The following ARPIN variants were observed in gnomAD, a reference collection of about 807,000 sequenced individuals.
ARPIN encodes actin related protein 2/3 complex inhibitor, also known as UPF0552 protein C15orf38.
A neutral mutation model predicts 25.9 loss-of-function variants in ARPIN; 23 were observed. That is an observed-to-expected ratio of 0.89 (90% CI 0.64 to 1.26). The LOEUF is 1.26. Ranked by LOEUF, ARPIN falls within the 50% of genes most tolerant of loss-of-function variation. ARPIN has a pLI of 0.00. For synonymous variants in ARPIN, 126 were observed against 131.4 expected (o/e 0.96, Z 0.28); for missense variants, 333 against 312.2 (o/e 1.07, Z -0.50).
In ARPIN at chr15:89,901,637, T is replaced by C. The variant is rs1897022600; in HGVS notation, c.*158A>G. On this transcript the variant is annotated 3_prime_UTR_variant, in exon 6 of 6. Transcript: ENST00000357484. ...AACACAGTGGTCATGGGTTTGGTTTTAGCAGAGCTTGTTCAAAGAGTATTC... is the reference window on the plus strand; with the variant it reads ...AACACAGTGGTCATGGGTTTGGTTTCAGCAGAGCTTGTTCAAAGAGTATTC... 3 of 886,786 alleles carry C rather than the reference T, an allele frequency of 3.4e-6. No individual in the cohort carries two copies. In the South Asian group the frequency reaches 4.9e-5, roughly 14 times the overall value. 54.9% of individuals were successfully genotyped at this position (886,786 alleles called of 1,614,324 possible).
chr15:89,912,763 C>A lies in ARPIN; in HGVS notation c.73G>T (p.Asp25Tyr). Reference protein sequence around the residue: ...VQSVRLPGAWDPAAHQGGNGV... With the variant: ...VQSVRLPGAWYPAAHQGGNGV... ...GCCTACCCCTGGTGGGCGGCGGGGT[C>A]CCAGGCCCCTGGCAGCCGGACGCTC... The change falls in exon 1 of 6, where the codon GAC (aspartate) becomes TAC (tyrosine). Residue 25 changes from aspartate to tyrosine, a missense_variant. Physicochemically the swap from Asp to Tyr is radical, Grantham distance 160. Coordinates refer to ENST00000357484, the MANE Select transcript of ARPIN (RefSeq NM_182616.4). 7.5e-7 allele frequency: 1 copy of A among 1,326,592 alleles called. No homozygotes were observed. The highest frequency in any genetic ancestry group is 9.8e-7 in the Non-Finnish European group (1 of 1,022,292). The allele number at this position is 1,326,592 out of a possible 1,614,324, so 82.2% of individuals were successfully genotyped here.
At chr15:89,908,508 C>T in intron 2 of ARPIN, 96 bp from the exon 3 acceptor site, 1 of 1,552,384 alleles carries the variant, frequency 6.4e-7, no homozygotes, top group South Asian at 1.2e-5. Context: ...CACATCTACC[C>T]TAGAAGCCCA....
chr15:89,899,018 G>A lies in ARPIN; in HGVS notation c.*2777C>T, dbSNP rs964354998. Reference sequence around the variant, plus strand: ...CAGCTTCCTATTTTCTCCCTTCCTAGTCCCTAGTCCTAGGGAATAGGATTT... The same window carrying A: ...CAGCTTCCTATTTTCTCCCTTCCTAATCCCTAGTCCTAGGGAATAGGATTT... On this transcript the variant is annotated 3_prime_UTR_variant, in exon 6 of 6. Coordinates refer to ENST00000357484, the MANE Select transcript of ARPIN (RefSeq NM_182616.4). 1 of 151,668 alleles carries A rather than the reference G, an allele frequency of 6.6e-6. No homozygotes were observed. The highest frequency in any genetic ancestry group is 1.5e-5 in the Non-Finnish European group (1 of 68,014). The allele number at this position is 151,668 out of a possible 1,614,324, so 9.4% of individuals were successfully genotyped here.
At chr15:89,909,933 GGA>G in intron 2 of ARPIN, among the ~76,000 whole-genome samples, 1 of 152,272 alleles carries the variant, frequency 6.6e-6, no homozygotes, top group South Asian at 2.1e-4. Context: ...AGAGGGGCTA[GGA>G]GAAGGCCCTG....
Position 89,909,086 on chromosome 15 carries a change from G to A in ARPIN, c.169-674C>T, listed in dbSNP as rs576555416. On this transcript the variant is annotated intron_variant, in intron 2 of 5. Coordinates refer to ENST00000357484, the MANE Select transcript of ARPIN (RefSeq NM_182616.4). ...GCCAAGGTGCAATGGAAAGGGCACT[G>A]AAAAGGAGCCCTGGGTGAGGGCAGC... Among the ~76,000 whole-genome samples the A allele has an allele frequency of 6.4e-4, 97 of 152,310 alleles. 2 individuals carry two copies. In the East Asian group the frequency reaches 0.017, roughly 27 times the overall value.
chr15:89,900,843 C>A lies in ARPIN; in HGVS notation c.*952G>T, dbSNP rs1596231710. 6.6e-6 allele frequency: 1 copy of A among 152,150 alleles called. No individual in the cohort carries two copies. The highest frequency in any genetic ancestry group is 1.9e-4 in the East Asian group (1 of 5,194). 9.4% of individuals were successfully genotyped at this position (152,150 alleles called of 1,614,324 possible). A position where few individuals can be genotyped will look rare whatever the true frequency, so the allele number is the denominator to read the frequency against. On this transcript the variant is annotated 3_prime_UTR_variant, in exon 6 of 6. Coordinates refer to ENST00000357484, the MANE Select transcript of ARPIN (RefSeq NM_182616.4). Reference sequence around the variant, plus strand: ...TTGCTCAGCTGAAAGGCCGTTTACACCTGACAATAACCCAGTAAGGGTGGA... The same window carrying A: ...TTGCTCAGCTGAAAGGCCGTTTACAACTGACAATAACCCAGTAAGGGTGGA...
In ARPIN at chr15:89,904,044, C is replaced by A. The variant is rs553392446; in HGVS notation, c.302-61G>T. The A allele has an allele frequency of 2.3e-5, 36 of 1,536,824 alleles. 1 individual carries two copies. The South Asian group carries it at 3.8e-4, about 16-fold the overall frequency. ...GTGGCAGCAAGAACTTCCGGAGGGC[C>A]TCTCAGGAGCCAGGTGAGGGCTGAG... On this transcript the variant is annotated intron_variant, in intron 3 of 5. Coordinates refer to ENST00000357484, the MANE Select transcript of ARPIN (RefSeq NM_182616.4).
At chr15:89,909,844 CAGTG>C (rs1897192564) in intron 2 of ARPIN, among the ~76,000 whole-genome samples, 1 of 152,144 alleles carries the variant, frequency 6.6e-6, no homozygotes, top group African/African-American at 2.4e-5. Context: ...GGGGAGGAGA[CAGTG>C]AGGGTTCCCA....
At chr15:89,910,903 G>A in intron 1 of ARPIN, 84 bp from the exon 2 acceptor site, 2 of 1,208,144 alleles carry the variant, frequency 1.7e-6, no homozygotes, top group South Asian at 2.8e-5. Flanking sequence ...ACCCAGCCCT[G>A]AGAAGGCTGG....
Position 89,895,380 on chromosome 15 carries a change from G to A in ARPIN, c.*6415C>T, listed in dbSNP as rs1896914525. On this transcript the variant is annotated 3_prime_UTR_variant, in exon 6 of 6. Transcript: ENST00000357484. Reference sequence around the variant, plus strand: ...CCAAAATATGAATCATGTATCTGATGGAATGGCAGAGTCAGGGTGTTTGAT... The same window carrying A: ...CCAAAATATGAATCATGTATCTGATAGAATGGCAGAGTCAGGGTGTTTGAT... 1 of 152,306 alleles carries A rather than the reference G, an allele frequency of 6.6e-6. No homozygotes were observed. The highest frequency in any genetic ancestry group is 2.1e-4 in the South Asian group (1 of 4,820). The allele number at this position is 152,306 out of a possible 1,614,324, so 9.4% of individuals were successfully genotyped here. A position where few individuals can be genotyped will look rare whatever the true frequency, so the allele number is the denominator to read the frequency against.
At chr15:89,910,160 G>A (rs945533529) in intron 2 of ARPIN, among the ~76,000 whole-genome samples, 3 of 152,176 alleles carry the variant, frequency 2.0e-5, no homozygotes, top group African/African-American at 7.2e-5. Context: ...GTAGCACCAG[G>A]CCTCTGGCCC....
In ARPIN at chr15:89,896,289, C is replaced by T. The variant is rs1348639235; in HGVS notation, c.*5506G>A. On this transcript the variant is annotated 3_prime_UTR_variant, in exon 6 of 6. Coordinates refer to ENST00000357484, the MANE Select transcript of ARPIN (RefSeq NM_182616.4). ...AAGAATATCAAAGAAAATTCTGAAACAGAATTATGAAGAAGAACTAGCTCT... is the reference window on the plus strand; with the variant it reads ...AAGAATATCAAAGAAAATTCTGAAATAGAATTATGAAGAAGAACTAGCTCT... 1 of 152,172 alleles carries T rather than the reference C, an allele frequency of 6.6e-6. No individual in the cohort carries two copies. The highest frequency in any genetic ancestry group is 1.5e-5 in the Non-Finnish European group (1 of 68,026). The allele number at this position is 152,172 out of a possible 1,614,324, so 9.4% of individuals were successfully genotyped here.
In ARPIN at chr15:89,900,941, C is replaced by G. The variant is rs977584637; in HGVS notation, c.*854G>C. On this transcript the variant is annotated 3_prime_UTR_variant, in exon 6 of 6. Coordinates refer to ENST00000357484, the MANE Select transcript of ARPIN (RefSeq NM_182616.4). Reference sequence around the variant, plus strand: ...ACAAAACAACAACAAAAAAGGTATTCTCAAAACTGTAGCCTGGCAGAGTGA... The same window carrying G: ...ACAAAACAACAACAAAAAAGGTATTGTCAAAACTGTAGCCTGGCAGAGTGA... 1 of 152,204 alleles carries G rather than the reference C, an allele frequency of 6.6e-6. No individual in the cohort carries two copies. Among genetic ancestry groups the G allele is most frequent in the Non-Finnish European group, 1.5e-5 (1 of 68,052 alleles). The allele number at this position is 152,204 out of a possible 1,614,324, so 9.4% of individuals were successfully genotyped here.
At position 89,904,108 on chromosome 15, in the gene ARPIN, G is replaced by A. The variant is rs1051674322; in HGVS notation, c.302-125C>T. Reference sequence around the variant, plus strand: ...AGTCACCCGGAGGCTGGGACTCAGTGCCCATTCTGCGAGTCCTCATCAAGG... The same window carrying A: ...AGTCACCCGGAGGCTGGGACTCAGTACCCATTCTGCGAGTCCTCATCAAGG... On this transcript the variant is annotated intron_variant, in intron 3 of 5. Coordinates refer to ENST00000357484, the MANE Select transcript of ARPIN (RefSeq NM_182616.4). 5.9e-6 allele frequency: 7 copies of A among 1,195,744 alleles called. No homozygotes were observed. In the African/African-American group the frequency reaches 1.1e-4, roughly 18 times the overall value. The allele number at this position is 1,195,744 out of a possible 1,614,324, so 74.1% of individuals were successfully genotyped here.
In ARPIN at chr15:89,905,387, C is replaced by T. The variant is rs77586379; in HGVS notation, c.302-1404G>A. Among the ~76,000 whole-genome samples, 1,417 of 152,244 alleles carry T rather than the reference C, an allele frequency of 9.3e-3. 2 individuals carry two copies. The highest frequency in any genetic ancestry group is 0.017 in the Non-Finnish European group (1,140 of 68,014). ...TTCTGTCTCAAAGGATAGGAGGCCT[C>T]TCCTCCTGCCTCAAGCCAGCTCCTC... On this transcript the variant is annotated intron_variant, in intron 3 of 5. Coordinates refer to ENST00000357484, the MANE Select transcript of ARPIN (RefSeq NM_182616.4).
At chr15:89,911,604 T>C (rs546950916) in intron 1 of ARPIN, among the ~76,000 whole-genome samples, 1 of 152,288 alleles carries the variant, frequency 6.6e-6, no homozygotes, top group South Asian at 2.1e-4. Flanking sequence ...ACAATTATTT[T>C]TCTAAATATT....
intron 1 of ARPIN, among the ~76,000 whole-genome samples, chr15:89,911,629 CTG>C (rs752879919): frequency 3.3e-5 from 5 of 152,152 alleles, no homozygotes; most frequent in East Asian, 3.8e-4. Context: ...TGACAAAAGA[CTG>C]TATATATTCA....
intron 1 of ARPIN, chr15:89,912,530 G>A: frequency 2.3e-6 from 3 of 1,303,610 alleles, no homozygotes; most frequent in Non-Finnish European, 2.9e-6. Context: ...GGACAGGCGG[G>A]GAGCTTTAAG....
In ARPIN at chr15:89,897,207, G is replaced by A. The variant is rs1896943343; in HGVS notation, c.*4588C>T. 6.6e-6 allele frequency: 1 copy of A among 152,218 alleles called. No individual in the cohort carries two copies. The allele number at this position is 152,218 out of a possible 1,614,324, so 9.4% of individuals were successfully genotyped here. ...AATCTTAAAAATAATGGTTACAGGT[G>A]GGCGTGGTGGCTCACGCCTGTAATC... On this transcript the variant is annotated 3_prime_UTR_variant, in exon 6 of 6. Transcript: ENST00000357484.
Sources: allele counts gnomAD v4.1 joint callset (sites outside exome capture counted in the v4.1 genomes callset), GRCh38; gene constraint gnomAD v4.1.1; transcripts MANE v1.5; gene names NCBI Gene and HGNC (gene_info 2026-07-23, HGNC 2026-07-21).